CDH9: variants seen among roughly 807,000 people sequenced by gnomAD.
CDH9 encodes the protein cadherin-9.
In CDH9, 28 loss-of-function variants were observed where a neutral mutation model predicts 70.9. That is an observed-to-expected ratio of 0.40 (90% CI 0.29 to 0.54). The LOEUF (loss-of-function observed/expected upper bound fraction) is 0.54, where lower values mean the gene tolerates loss of function less well. Ranked by LOEUF, CDH9 falls within the 20% of genes least tolerant of loss-of-function variation. The pLI is 0.59. For missense variants in CDH9, 874 were observed against 984.4 expected (o/e 0.89, Z 1.50); for synonymous variants, 409 against 343.1 (o/e 1.19, Z -2.12).
intron 2 of CDH9, among the ~76,000 whole-genome samples, chr5:26,929,150 T>C (rs1288039904): frequency 1.3e-5 from 2 of 151,792 alleles, no homozygotes; most frequent in Admixed American, 6.6e-5. Context: ...AGAAAGAAAA[T>C]CTAAGTATTC....
intron 7 of CDH9, among the ~76,000 whole-genome samples, chr5:26,892,461 A>T (rs1740676735): frequency 6.6e-6 from 1 of 152,190 alleles, no homozygotes; most frequent in Non-Finnish European, 1.5e-5. Context: ...CTATGGGATG[A>T]AGTGATTAGA....
At chr5:26,930,973 A>T (rs1331913496) in intron 2 of CDH9, among the ~76,000 whole-genome samples, 2 of 152,114 alleles carry the variant, frequency 1.3e-5, no homozygotes, top group Admixed American at 1.3e-4. Context: ...TTGTGGTTTT[A>T]AGATAAAAGA....
chr5:26,950,296 C>T (rs1469856146), intron 2 of CDH9, among the ~76,000 whole-genome samples: 1 of 152,140 alleles, frequency 6.6e-6, no homozygotes. Flanking sequence ...TGGTCAGTAT[C>T]TCAGTGCGTG....
rs544739742 is a variant in CDH9, at chr5:26,980,873, G to A, written c.228+7233C>T. Among the ~76,000 whole-genome samples, 15 of 152,044 alleles carry A rather than the reference G, an allele frequency of 9.9e-5. No homozygotes were observed. In the South Asian group the frequency reaches 2.9e-3, roughly 30 times the overall value. On this transcript the variant is annotated intron_variant, in intron 2 of 11. Coordinates refer to ENST00000231021, the MANE Select transcript of CDH9 (RefSeq NM_016279.4). ...TAATAGAGAAATTCTTTAAGATAAG[G>A]ACCAATTAATCTTATTTACTATGAT... is the stretch of plus-strand genomic sequence containing the variant.
At chr5:27,001,501 G>A (rs1340268022) in intron 1 of CDH9, among the ~76,000 whole-genome samples, 1 of 151,976 alleles carries the variant, frequency 6.6e-6, no homozygotes. Flanking sequence ...ATGATCCATG[G>A]GGTAATAATT....
At chr5:26,960,420 G>A (rs1210546282) in intron 2 of CDH9, among the ~76,000 whole-genome samples, 1 of 151,900 alleles carries the variant, frequency 6.6e-6, no homozygotes, top group Non-Finnish European at 1.5e-5. Flanking sequence ...GATACTAAAG[G>A]TTTTCTGTTG....
In CDH9 at chr5:27,014,762, G is replaced by A. The variant is rs114702515; in HGVS notation, c.-50+23701C>T. ...AGTTCATGGATTATAATTATCACTGGTTCATACAAGAACCTTCTCTTGTTT... is the reference window on the plus strand; with the variant it reads ...AGTTCATGGATTATAATTATCACTGATTCATACAAGAACCTTCTCTTGTTT... On this transcript the variant is annotated intron_variant, in intron 1 of 11. Coordinates refer to ENST00000231021, the MANE Select transcript of CDH9 (RefSeq NM_016279.4). Among the ~76,000 whole-genome samples the A allele has an allele frequency of 9.0e-3, 1,368 of 151,854 alleles. 10 individuals are homozygous for A. The highest frequency in any genetic ancestry group is 0.037 in the Middle Eastern group (11 of 294).
In CDH9 at chr5:26,950,047, G is replaced by A. The variant is rs116162113; in HGVS notation, c.229-34123C>T. Among the ~76,000 whole-genome samples, 383 of 152,152 alleles carry A rather than the reference G, an allele frequency of 2.5e-3. 1 individual carries two copies. The highest frequency in any genetic ancestry group is 8.9e-3 in the African/African-American group (369 of 41,508). On this transcript the variant is annotated intron_variant, in intron 2 of 11. Coordinates refer to ENST00000231021, the MANE Select transcript of CDH9 (RefSeq NM_016279.4). ...TGTAGTGGGACATCAGAGTGAATTGGGGCTTTAATCATTTTTTTCTAATGG... is the reference window on the plus strand; with the variant it reads ...TGTAGTGGGACATCAGAGTGAATTGAGGCTTTAATCATTTTTTTCTAATGG...
intron 1 of CDH9, among the ~76,000 whole-genome samples, chr5:27,014,476 G>A (rs1241465749): frequency 6.6e-6 from 1 of 151,828 alleles, no homozygotes; most frequent in African/African-American, 2.4e-5. Flanking sequence ...TTTGTCTTTA[G>A]CACCCACAAT....
chr5:26,989,504 C>G (rs1742544667), intron 1 of CDH9, among the ~76,000 whole-genome samples: 1 of 126,674 alleles, frequency 7.9e-6, no homozygotes, highest in Non-Finnish European at 1.7e-5. Context: ...TCTCTCTCTT[C>G]TCTGTCTCTC....
intron 1 of CDH9, among the ~76,000 whole-genome samples, chr5:27,030,458 G>C (rs1160440893): frequency 6.6e-6 from 1 of 151,052 alleles, no homozygotes; most frequent in Non-Finnish European, 1.5e-5. Flanking sequence ...AGTGGGGTAG[G>C]GAATAATGAA....
At chr5:26,953,533 T>A (rs1289980624) in intron 2 of CDH9, among the ~76,000 whole-genome samples, 1 of 152,198 alleles carries the variant, frequency 6.6e-6, no homozygotes, top group African/African-American at 2.4e-5. Context: ...CACATCTCTA[T>A]CCTGACTGTT....
Position 26,988,387 on chromosome 5 carries a change from A to G in CDH9, c.-49-5T>C. On this transcript the variant is annotated splice_polypyrimidine_tract_variant and splice_region_variant and intron_variant, in intron 1 of 11. Transcript: ENST00000231021. ...TCAATGTATTGTTTGTTTTTCCTAA[A>G]GAGTAAGGAGAAAAAAAATGGCTGT... 2 of 1,572,484 alleles carry G rather than the reference A, an allele frequency of 1.3e-6. No homozygotes were observed. The highest frequency in any genetic ancestry group is 1.8e-4 in the Middle Eastern group (1 of 5,652).
chr5:26,936,273 G>A (rs1333379708), intron 2 of CDH9, among the ~76,000 whole-genome samples: 3 of 151,960 alleles, frequency 2.0e-5, no homozygotes. Context: ...ACAAAATTCA[G>A]TATATTTCTA....
chr5:27,038,195 C>T (rs950029083), intron 1 of CDH9, among the ~76,000 whole-genome samples: 5 of 151,848 alleles, frequency 3.3e-5, no homozygotes, highest in Non-Finnish European at 5.9e-5. Flanking sequence ...ATTCCATATG[C>T]AAATATGAGG....
At chr5:26,985,413 C>T (rs1331808855) in intron 2 of CDH9, among the ~76,000 whole-genome samples, 8 of 152,034 alleles carry the variant, frequency 5.3e-5, no homozygotes, top group South Asian at 2.1e-4. Context: ...ATATTTACTA[C>T]GTGTCACAAT....
At chr5:26,995,490 C>G (rs1166145646) in intron 1 of CDH9, among the ~76,000 whole-genome samples, 3 of 152,094 alleles carry the variant, frequency 2.0e-5, no homozygotes, top group Non-Finnish European at 2.9e-5. Context: ...TTTGCTTCAA[C>G]TATGTAGTCC....
Position 26,988,135 on chromosome 5 carries a change from T to C in CDH9, c.199A>G (p.Thr67Ala), listed in dbSNP as rs1262000130. ...CCTACATATTGTGTGTCAGTACCTG[T>C]GTACTCTTCCAATAAGAAGAACTGA... ...WNQFFLLEEY[T>A]GTDTQYVGKL... is the part of the protein sequence containing the mutation. Residue 67 changes from threonine to alanine, a missense_variant, in exon 2 of 12, where the codon ACA becomes GCA. Physicochemically the swap from Thr to Ala is moderately conservative, Grantham distance 58. Transcript: ENST00000231021. The C allele has an allele frequency of 1.2e-6, 2 of 1,612,908 alleles. No homozygotes were observed. The highest frequency in any genetic ancestry group is 1.3e-5 in the African/African-American group (1 of 75,018).
At chr5:26,959,488 C>T (rs1158517626) in intron 2 of CDH9, among the ~76,000 whole-genome samples, 2 of 152,070 alleles carry the variant, frequency 1.3e-5, no homozygotes, top group Non-Finnish European at 2.9e-5. Flanking sequence ...TATGACTCAG[C>T]AATTCTACTT....
Sources: gnomAD v4.1 joint callset for allele counts (sites outside exome capture counted in the v4.1 genomes callset) on GRCh38, gnomAD v4.1.1 for gene constraint, MANE v1.5 for transcripts, NCBI Gene and HGNC (gene_info 2026-07-23, HGNC 2026-07-21) for gene names.